Variants in CUBN observed in about 807,000 individuals in gnomAD.
CUBN encodes the protein 460 kDa receptor.
Under a neutral mutation model 405.3 loss-of-function variants are expected in CUBN, and 282 were observed. The observed-to-expected ratio is 0.70, with a 90% CI of 0.63 to 0.77. The LOEUF (loss-of-function observed/expected upper bound fraction) is 0.77. Among genes scored for constraint, CUBN ranks in the 30% least tolerant of loss-of-function variants. The pLI is 0.00. For synonymous variants in CUBN, 1,684 were observed against 1,617.0 expected, an observed-to-expected ratio of 1.04 and a Z score of -0.99; for missense variants, 4,514 against 4,475.2, an observed-to-expected ratio of 1.01 and a Z score of -0.25.
At chr10:16,939,923 A>C (rs1014092508) in intron 37 of CUBN, 109 bp downstream of exon 37, 1 of 977,298 alleles carries the variant, frequency 1.0e-6, no homozygotes, top group African/African-American at 1.6e-5. Flanking sequence ...ATGTAGGAAA[A>C]TAGTGTAGAG....
intron 62 of CUBN, among the ~76,000 whole-genome samples, chr10:16,836,766 A>AC: frequency 6.6e-6 from 1 of 152,128 alleles, no homozygotes; most frequent in Non-Finnish European, 1.5e-5. Flanking sequence ...GGGACTAACA[A>AC]CCACCATCAC....
rs542812269 is a variant in CUBN, at chr10:16,829,087, C to T, written c.10529-47G>A. The T allele has an allele frequency of 6.7e-5, 97 of 1,449,552 alleles. No individual in the cohort carries two copies. The Middle Eastern group carries it at 9.3e-4, about 14-fold the overall frequency. The allele number at this position is 1,449,552 out of a possible 1,614,324, so 89.8% of individuals were successfully genotyped here. A position where few individuals can be genotyped will look rare whatever the true frequency, so the allele number is the denominator to read the frequency against. On this transcript the variant is annotated intron_variant, in intron 65 of 66. Transcript: ENST00000377833. ...AAGTTTGATTCAACAGCATATAAGC[C>T]GTCCAGTCTGGCTTGTTAGGCAATA...
intron 14 of CUBN, among the ~76,000 whole-genome samples, chr10:17,089,458 C>T (rs1432310367): frequency 6.6e-6 from 1 of 152,130 alleles, no homozygotes; most frequent in African/African-American, 2.4e-5. Context: ...ATAGAGTGCA[C>T]TGAAAAAAGT....
At chr10:16,847,328 T>C (rs1485847007) in intron 60 of CUBN, among the ~76,000 whole-genome samples, 1 of 151,844 alleles carries the variant, frequency 6.6e-6, no homozygotes, top group African/African-American at 2.4e-5. Context: ...GGCGGGCGCC[T>C]GTAGTCCCAG....
intron 60 of CUBN, among the ~76,000 whole-genome samples, chr10:16,844,172 G>C (rs1839439900): frequency 6.6e-6 from 1 of 151,954 alleles, no homozygotes; most frequent in Non-Finnish European, 1.5e-5. Context: ...GGGAGGCTGA[G>C]GCAGGAGAAT....
chr10:16,913,405 G>A (rs894124379), intron 48 of CUBN, among the ~76,000 whole-genome samples: 1 of 152,166 alleles, frequency 6.6e-6, no homozygotes, highest in Non-Finnish European at 1.5e-5. Context: ...CCCACCAAGA[G>A]TCCCTCTGTA....
intron 36 of CUBN, among the ~76,000 whole-genome samples, chr10:16,945,949 C>T (rs1468129415): frequency 6.6e-6 from 1 of 152,026 alleles, no homozygotes; most frequent in Non-Finnish European, 1.5e-5. Flanking sequence ...TGAACTTGGT[C>T]CACAAATAGG....
chr10:16,915,318 A>T, intron 46 of CUBN, 146 bp from the exon 47 acceptor site: 1 of 966,120 alleles, frequency 1.0e-6, no homozygotes, highest in East Asian at 2.5e-5. Context: ...AGACAACAGG[A>T]AAACATGAAT....
intron 28 of CUBN, among the ~76,000 whole-genome samples, chr10:16,994,098 G>A (rs562683898): frequency 1.3e-5 from 2 of 152,078 alleles, no homozygotes; most frequent in Non-Finnish European, 2.9e-5. Flanking sequence ...AAACCTGCAC[G>A]TTGTAATTCT....
intron 28 of CUBN, among the ~76,000 whole-genome samples, chr10:16,998,507 C>A (rs1833796116): frequency 6.6e-6 from 1 of 152,184 alleles, no homozygotes; most frequent in Non-Finnish European, 1.5e-5. Context: ...GGAATTCCAG[C>A]CTCCAGAATA....
At chr10:17,027,113 T>C (rs1348875791) in intron 27 of CUBN, among the ~76,000 whole-genome samples, 2 of 152,260 alleles carry the variant, frequency 1.3e-5, no homozygotes, top group Admixed American at 6.5e-5. Flanking sequence ...TTTACATTTT[T>C]ATTCTGCTTT....
chr10:16,990,498 A>G lies in CUBN; in HGVS notation c.4186T>C (p.Ser1396Pro), dbSNP rs781344852. The G allele has an allele frequency of 5.0e-6, 8 of 1,614,190 alleles. No homozygotes were observed. The highest frequency in any genetic ancestry group is 1.7e-4 in the Middle Eastern group (1 of 6,056). The part of the protein sequence containing the change: ...WFVYGCGGEL[S>P]GATGSFSSPG... ...CTGCTGAAGGAGCCTGTGGCCCCAGACAGCTCTCCACCACAACCTGTTAAA... is the reference window on the plus strand; with the variant it reads ...CTGCTGAAGGAGCCTGTGGCCCCAGGCAGCTCTCCACCACAACCTGTTAAA... The change falls in exon 29 of 67, where the codon TCT becomes CCT. Residue 1396 changes from serine (S) to proline (P), a missense_variant. This residue lies in a region of CUBN where 1,613 missense variants were observed against 1,542.8 expected (regional missense o/e 1.05). Transcript: ENST00000377833.
intron 28 of CUBN, among the ~76,000 whole-genome samples, chr10:16,992,185 C>G (rs892469170): frequency 2.0e-5 from 3 of 150,422 alleles, no homozygotes; most frequent in African/African-American, 4.9e-5. Context: ...GGTGGGAATT[C>G]AACAATGAGA....
At chr10:16,991,468 G>C (rs1321600492) in intron 28 of CUBN, among the ~76,000 whole-genome samples, 1 of 152,186 alleles carries the variant, frequency 6.6e-6, no homozygotes, top group Non-Finnish European at 1.5e-5. Flanking sequence ...TTCAGACAGA[G>C]ATTTCAGTAT....
At chr10:17,022,622 A>T (rs955711117) in intron 27 of CUBN, among the ~76,000 whole-genome samples, 2 of 152,208 alleles carry the variant, frequency 1.3e-5, no homozygotes, top group African/African-American at 4.8e-5. Flanking sequence ...GGAGGGCGAG[A>T]GGCCAACCTT....
At chr10:16,945,791 G>C (rs199952461) in intron 36 of CUBN, among the ~76,000 whole-genome samples, 21 of 115,104 alleles carry the variant, frequency 1.8e-4, no homozygotes, top group Non-Finnish European at 7.2e-5. Flanking sequence ...AAAAAAAAAA[G>C]ACAAACCAAA....
intron 58 of CUBN, among the ~76,000 whole-genome samples, chr10:16,870,484 C>T (rs1564395571): frequency 6.6e-6 from 1 of 152,178 alleles, no homozygotes; most frequent in South Asian, 2.1e-4. Context: ...GGTAGGATTG[C>T]CCTAGGGGCA....
chr10:16,976,743 CT>C (rs1325605485), intron 31 of CUBN, among the ~76,000 whole-genome samples: 2 of 152,062 alleles, frequency 1.3e-5, no homozygotes, highest in South Asian at 2.1e-4. Flanking sequence ...ATTTTTCATC[CT>C]TTTTTTATCC....
intron 22 of CUBN, among the ~76,000 whole-genome samples, chr10:17,048,130 T>C (rs1835181790): frequency 6.6e-6 from 1 of 152,274 alleles, no homozygotes; most frequent in African/African-American, 2.4e-5. Context: ...GTTACTGTAC[T>C]TCTCTAAGCC....
Sources: gnomAD v4.1 joint callset for allele counts (sites outside exome capture counted in the v4.1 genomes callset) on GRCh38, gnomAD v4.1.1 for gene constraint, gnomAD v4.1.1 regional missense constraint, MANE v1.5 for transcripts, NCBI Gene and HGNC (gene_info 2026-07-23, HGNC 2026-07-21) for gene names.